Variants in CNTNAP2 observed in about 807,000 individuals in gnomAD.
The protein encoded by CNTNAP2 is contactin-associated protein-like 2.
A neutral mutation model predicts 155.2 loss-of-function variants in CNTNAP2; 98 were observed. The ratio of observed to expected loss-of-function variants is 0.63; its 90% CI spans 0.54 to 0.75. The LOEUF is 0.75. Among genes scored for constraint, CNTNAP2 ranks in the 30% least tolerant of loss-of-function variants. The pLI, the probability that CNTNAP2 is intolerant of heterozygous loss-of-function variation, is 0.00. For synonymous variants in CNTNAP2, 651 were observed against 631.2 expected, an observed-to-expected ratio of 1.03 and a Z score of -0.47; for missense variants, 1,727 against 1,688.1, an observed-to-expected ratio of 1.02 and a Z score of -0.40.
chr7:146,336,632 T>A (rs1801280841), intron 1 of CNTNAP2, among the ~76,000 whole-genome samples: 1 of 152,134 alleles, frequency 6.6e-6, no homozygotes, highest in Non-Finnish European at 1.5e-5. Flanking sequence ...AATCTGTACA[T>A]GATTGTTCAC....
intron 13 of CNTNAP2, among the ~76,000 whole-genome samples, chr7:147,640,876 G>A (rs1350442934): frequency 6.6e-6 from 1 of 152,150 alleles, no homozygotes; most frequent in Non-Finnish European, 1.5e-5. Context: ...GACTTGCATA[G>A]GGCTCAGGGA....
intron 18 of CNTNAP2, among the ~76,000 whole-genome samples, chr7:148,176,154 A>G (rs1333487111): frequency 6.6e-6 from 1 of 151,620 alleles, no homozygotes; most frequent in African/African-American, 2.4e-5. Flanking sequence ...AAACCACACA[A>G]GAAGGGGACT....
chr7:148,288,094 T>C (rs796491766), intron 21 of CNTNAP2, among the ~76,000 whole-genome samples: 1 of 148,730 alleles, frequency 6.7e-6, no homozygotes, highest in Non-Finnish European at 1.5e-5. Context: ...CCAACCTTTT[T>C]TTTTTTCTTT....
chr7:146,262,351 G>A (rs1799930852), intron 1 of CNTNAP2, among the ~76,000 whole-genome samples: 1 of 151,988 alleles, frequency 6.6e-6, no homozygotes, highest in Non-Finnish European at 1.5e-5. Flanking sequence ...AACTCCTTTG[G>A]TCTTTACTTA....
chr7:147,605,992 T>C (rs1040165128), intron 12 of CNTNAP2, among the ~76,000 whole-genome samples: 16 of 151,906 alleles, frequency 1.1e-4, no homozygotes. Context: ...GTTCCCATAA[T>C]AGTGAGTAGC....
chr7:148,151,911 G>T (rs1805303525), intron 17 of CNTNAP2, among the ~76,000 whole-genome samples: 1 of 152,138 alleles, frequency 6.6e-6, no homozygotes, highest in Non-Finnish European at 1.5e-5. Flanking sequence ...GAAATCAGAA[G>T]TTCATCTGAA....
At chr7:146,273,206 G>A (rs1258136203) in intron 1 of CNTNAP2, among the ~76,000 whole-genome samples, 1 of 149,406 alleles carries the variant, frequency 6.7e-6, no homozygotes, top group Admixed American at 6.7e-5. Flanking sequence ...TATTAAATGC[G>A]TCACGTGCAA....
At chr7:146,264,680 A>T (rs1209072847) in intron 1 of CNTNAP2, among the ~76,000 whole-genome samples, 1 of 152,184 alleles carries the variant, frequency 6.6e-6, no homozygotes, top group Non-Finnish European at 1.5e-5. Context: ...ATAATAGGGT[A>T]AAGTGCAAGT....
chr7:147,902,213 C>G (rs1233531940), intron 13 of CNTNAP2, among the ~76,000 whole-genome samples: 1 of 152,138 alleles, frequency 6.6e-6, no homozygotes, highest in Non-Finnish European at 1.5e-5. Flanking sequence ...GAGAGAGGTA[C>G]ATATTCCCAT....
At chr7:146,644,568 T>G (rs1250676485) in intron 1 of CNTNAP2, among the ~76,000 whole-genome samples, 1 of 152,130 alleles carries the variant, frequency 6.6e-6, no homozygotes, top group East Asian at 1.9e-4. Context: ...AGTATTTTAT[T>G]GAGGATTTTT....
chr7:147,385,913 C>A (rs1796618409), intron 9 of CNTNAP2, among the ~76,000 whole-genome samples: 1 of 152,214 alleles, frequency 6.6e-6, no homozygotes, highest in Non-Finnish European at 1.5e-5. Context: ...ATCTCTGCAG[C>A]AAACATCTGC....
At chr7:146,536,557 A>G (rs1201672769) in intron 1 of CNTNAP2, among the ~76,000 whole-genome samples, 1 of 151,886 alleles carries the variant, frequency 6.6e-6, no homozygotes. Context: ...CAGAGTACTG[A>G]CTGTTGACTG....
chr7:148,363,910 G>C (rs1384778737), intron 21 of CNTNAP2, among the ~76,000 whole-genome samples: 1 of 151,838 alleles, frequency 6.6e-6, no homozygotes, highest in African/African-American at 2.4e-5. Flanking sequence ...TGAGCAGCCA[G>C]CCAGCCCTGC....
At chr7:148,120,204 A>C (rs1425874468) in intron 16 of CNTNAP2, among the ~76,000 whole-genome samples, 3 of 147,602 alleles carry the variant, frequency 2.0e-5, no homozygotes, top group Admixed American at 6.9e-5. Flanking sequence ...CACATACTAG[A>C]TAGAGGGAGA....
intron 2 of CNTNAP2, among the ~76,000 whole-genome samples, chr7:146,783,270 G>A (rs188113969): frequency 3.3e-5 from 5 of 152,180 alleles, no homozygotes; most frequent in Non-Finnish European, 5.9e-5. Flanking sequence ...CGAATAAAAA[G>A]TATCACCTTT....
intron 1 of CNTNAP2, among the ~76,000 whole-genome samples, chr7:146,618,558 AT>A (rs1799265584): frequency 6.6e-6 from 1 of 152,192 alleles, no homozygotes; most frequent in African/African-American, 2.4e-5. Context: ...CCAAAGGACA[AT>A]TGACTGATTT....
rs1260812058 is a variant in CNTNAP2, at chr7:147,508,798, A to G, written c.1777+22757A>G. Among the ~76,000 whole-genome samples, 3 of 152,278 alleles carry G rather than the reference A, an allele frequency of 2.0e-5. No homozygotes were observed. In the East Asian group the frequency reaches 5.8e-4, roughly 29 times the overall value. On this transcript the variant is annotated intron_variant, in intron 11 of 23. Coordinates refer to ENST00000361727, the MANE Select transcript of CNTNAP2 (RefSeq NM_014141.6). ...CACTCTCTCTTGCCTGACACTATGTAAGACATGCCTATGACTCCTTCGCCT... is the reference window on the plus strand; with the variant it reads ...CACTCTCTCTTGCCTGACACTATGTGAGACATGCCTATGACTCCTTCGCCT...
At chr7:148,203,142 A>G (rs1459061681) in intron 18 of CNTNAP2, among the ~76,000 whole-genome samples, 3 of 152,208 alleles carry the variant, frequency 2.0e-5, no homozygotes, top group African/African-American at 7.2e-5. Context: ...AGCTAATGGT[A>G]GAAATACATC....
intron 9 of CNTNAP2, among the ~76,000 whole-genome samples, chr7:147,336,128 G>T (rs1795660412): frequency 6.6e-6 from 1 of 152,150 alleles, no homozygotes; most frequent in Non-Finnish European, 1.5e-5. Context: ...ACCTTCATTT[G>T]TGGAGTAAAA....
Sources: allele counts gnomAD v4.1 joint callset (sites outside exome capture counted in the v4.1 genomes callset), GRCh38; gene constraint gnomAD v4.1.1; transcripts MANE v1.5; gene names NCBI Gene and HGNC (gene_info 2026-07-23, HGNC 2026-07-21).